The following NPY2R variants were observed in gnomAD, a reference collection of about 807,000 sequenced individuals.
NPY2R encodes neuropeptide Y receptor type 2.
NPY2R carries 17 observed loss-of-function variants against 22.3 expected under a neutral mutation model. The observed-to-expected ratio is 0.76, with a 90% CI of 0.52 to 1.14. The LOEUF (loss-of-function observed/expected upper bound fraction) is 1.14, where lower values mean the gene tolerates loss of function less well. Ranked by LOEUF, NPY2R falls within the 50% of genes most tolerant of loss-of-function variation. The pLI is 0.00. For synonymous variants in NPY2R, 209 were observed against 183.4 expected, an observed-to-expected ratio of 1.14 and a Z score of -1.13; for missense variants, 424 against 467.9, an observed-to-expected ratio of 0.91 and a Z score of 0.87.
intron 1 of NPY2R, among the ~76,000 whole-genome samples, chr4:155,213,193 T>C (rs1437245284): frequency 6.6e-6 from 1 of 152,186 alleles, no homozygotes; most frequent in Non-Finnish European, 1.5e-5. Flanking sequence ...GGTACACTAC[T>C]TGGGTGACAG....
intron 1 of NPY2R, among the ~76,000 whole-genome samples, chr4:155,210,543 C>T (rs1312411942): frequency 6.6e-6 from 1 of 152,262 alleles, no homozygotes; most frequent in South Asian, 2.1e-4. Context: ...AGTAACTGTA[C>T]TCTAAAACCA....
the NPY2R span, among the ~76,000 whole-genome samples, chr4:155,192,294 G>T: frequency 2.6e-5 from 4 of 151,622 alleles, no homozygotes; most frequent in African/African-American, 9.7e-5. Context: ...TTGCAATTTT[G>T]TATCTGTTAG....
At chr4:155,201,649 T>C in the NPY2R span, among the ~76,000 whole-genome samples, 1 of 152,108 alleles carries the variant, frequency 6.6e-6, no homozygotes, top group Non-Finnish European at 1.5e-5. Context: ...TGGAGCATCA[T>C]CTTAAGACCC....
chr4:155,184,872 A>T, the NPY2R span, among the ~76,000 whole-genome samples: 2 of 151,368 alleles, frequency 1.3e-5, no homozygotes, highest in Non-Finnish European at 2.9e-5. Flanking sequence ...TTTGTTTCTG[A>T]ATTCTGTCAG....
At chr4:155,196,547 T>C in the NPY2R span, among the ~76,000 whole-genome samples, 1 of 151,916 alleles carries the variant, frequency 6.6e-6, no homozygotes, top group East Asian at 1.9e-4. Flanking sequence ...AGAAAGATGG[T>C]CCATGTCTTT....
In NPY2R at chr4:155,213,932, T is replaced by C. The variant is rs780504278; in HGVS notation, c.-8T>C. On this transcript the variant is annotated 5_prime_UTR_variant, in exon 2 of 2. Transcript: ENST00000329476. ...GCTGGTTGCAGGCCAAGTGGACCTGTACTGAAAATGGGTCCAATAGGTGCA... is the reference window on the plus strand; with the variant it reads ...GCTGGTTGCAGGCCAAGTGGACCTGCACTGAAAATGGGTCCAATAGGTGCA... 4 of 1,613,330 alleles carry C rather than the reference T, an allele frequency of 2.5e-6. No individual in the cohort carries two copies. The highest frequency in any genetic ancestry group is 3.4e-6 in the Non-Finnish European group (4 of 1,179,544).
chr4:155,215,234 G>T lies in NPY2R; in HGVS notation c.*149G>T. 1 of 795,950 alleles carries T rather than the reference G, an allele frequency of 1.3e-6. No individual in the cohort carries two copies. Among genetic ancestry groups the T allele is most frequent in the South Asian group, 1.5e-5 (1 of 67,824 alleles). The allele number at this position is 795,950 out of a possible 1,614,324, so 49.3% of individuals were successfully genotyped here. A position where few individuals can be genotyped will look rare whatever the true frequency, so the allele number is the denominator to read the frequency against. ...CTGCTGTTTAATTCCTGGAAAACTG[G>T]CTGGGCAGAGCCTGTGTGAAAATAC... On this transcript the variant is annotated 3_prime_UTR_variant, in exon 2 of 2. Coordinates refer to ENST00000329476, the MANE Select transcript of NPY2R (RefSeq NM_000910.4).
At chr4:155,197,857 T>G in the NPY2R span, among the ~76,000 whole-genome samples, 1 of 151,930 alleles carries the variant, frequency 6.6e-6, no homozygotes, top group Non-Finnish European at 1.5e-5. Flanking sequence ...ACATATAAAT[T>G]GAAAAAATTG....
rs1044264177 is a variant in NPY2R, at chr4:155,214,845, G to A, written c.906G>A (p.Glu302=). The part of the protein sequence containing the change: ...DIDSQVLDLK[E]YKLIFTVFHI... ...ACAGCCAGGTCCTGGACCTGAAGGA[G>A]TACAAACTCATCTTCACAGTGTTCC... The change falls in exon 2 of 2, where the codon GAG becomes GAA. Residue 302 remains glutamate, a synonymous_variant. Coordinates refer to ENST00000329476, the MANE Select transcript of NPY2R (RefSeq NM_000910.4). 61 of 1,609,474 alleles carry A rather than the reference G, an allele frequency of 3.8e-5. No homozygotes were observed. Among genetic ancestry groups the A allele is most frequent in the Non-Finnish European group, 4.9e-5 (58 of 1,177,142 alleles).
chr4:155,198,858 A>T, the NPY2R span, among the ~76,000 whole-genome samples: 1 of 151,822 alleles, frequency 6.6e-6, no homozygotes, highest in Admixed American at 6.6e-5. Context: ...AGCTCTCCAC[A>T]CTTCCTTCCT....
the NPY2R span, among the ~76,000 whole-genome samples, chr4:155,195,973 C>T: frequency 2.1e-4 from 32 of 151,888 alleles, no homozygotes; most frequent in Non-Finnish European, 3.7e-4. Context: ...TTCCAGAAAA[C>T]GAAAGTTTTA....
the NPY2R span, among the ~76,000 whole-genome samples, chr4:155,182,616 G>A: frequency 4.6e-5 from 7 of 151,908 alleles, no homozygotes; most frequent in African/African-American, 1.7e-4. Context: ...AAGTTCTCTT[G>A]GGTTTTAAAC....
chr4:155,193,927 C>T, the NPY2R span, among the ~76,000 whole-genome samples: 1 of 151,864 alleles, frequency 6.6e-6, no homozygotes, highest in African/African-American at 2.4e-5. Flanking sequence ...AGGTATTCAT[C>T]AAAGTGTAAA....
chr4:155,186,806 T>C, the NPY2R span, among the ~76,000 whole-genome samples: 1 of 152,290 alleles, frequency 6.6e-6, no homozygotes, highest in Admixed American at 6.6e-5. Flanking sequence ...TATAGCTGTG[T>C]TTTTAAATCA....
At chr4:155,186,373 A>C in the NPY2R span, among the ~76,000 whole-genome samples, 1 of 152,198 alleles carries the variant, frequency 6.6e-6, no homozygotes. Flanking sequence ...ACTAGTGTCA[A>C]CTAATGTGAA....
chr4:155,186,442 T>G, the NPY2R span, among the ~76,000 whole-genome samples: 111 of 152,302 alleles, frequency 7.3e-4, 1 homozygote, highest in African/African-American at 2.3e-3. Flanking sequence ...GTTCATTTTT[T>G]AATTTTTTGT....
rs1729483228 is a variant in NPY2R at position 155,214,903 on chromosome 4, C to G, written c.964C>G (p.Pro322Ala). 1 of 1,613,178 alleles carries G rather than the reference C, an allele frequency of 6.2e-7. No homozygotes were observed. The highest frequency in any genetic ancestry group is 8.5e-7 in the Non-Finnish European group (1 of 1,179,334). The change falls in exon 2 of 2, where the codon CCC (proline) becomes GCC (alanine). Residue 322 changes from proline to alanine, a missense_variant. Coordinates refer to ENST00000329476, the MANE Select transcript of NPY2R (RefSeq NM_000910.4). ...CGCCATGTGCTCCACTTTTGCCAAT[C>G]CCCTTCTCTATGGCTGGATGAACAG... ...IIAMCSTFAN[P>A]LLYGWMNSNY...
chr4:155,185,983 G>A, the NPY2R span, among the ~76,000 whole-genome samples: 1 of 152,014 alleles, frequency 6.6e-6, no homozygotes, highest in Non-Finnish European at 1.5e-5. Context: ...AAGAGCAACA[G>A]TACACATTCA....
chr4:155,181,321 A>G, the NPY2R span, among the ~76,000 whole-genome samples: 1 of 152,192 alleles, frequency 6.6e-6, no homozygotes, highest in South Asian at 2.1e-4. Flanking sequence ...AAACCCTCAC[A>G]CATTTCTGAA....
Sources: allele counts gnomAD v4.1 joint callset (sites outside exome capture counted in the v4.1 genomes callset), GRCh38; gene constraint gnomAD v4.1.1; transcripts MANE v1.5; gene names NCBI Gene and HGNC (gene_info 2026-07-23, HGNC 2026-07-21).